The following COL6A5 variants were observed in gnomAD, a reference collection of about 807,000 sequenced individuals.
The protein encoded by COL6A5 is collagen type VI alpha 5 chain.
In COL6A5, 48 loss-of-function variants were observed where a neutral mutation model predicts 65.6. The ratio of observed to expected loss-of-function variants is 0.73; its 90% CI spans 0.58 to 0.93. The LOEUF is 0.93. Among genes scored for constraint, COL6A5 ranks in the 40% least tolerant of loss-of-function variants. The probability of loss-of-function intolerance (pLI) is 0.00; values close to 1 mark genes in which losing one functional copy is unlikely to be tolerated. For missense variants in COL6A5, 914 were observed against 928.3 expected (o/e 0.98, Z 0.20); for synonymous variants, 291 against 322.8 (o/e 0.90, Z 1.05).
chr3:130,434,038 C>T (rs1336954869), intron 1 of COL6A5, among the ~76,000 whole-genome samples: 2 of 151,890 alleles, frequency 1.3e-5, no homozygotes, highest in Admixed American at 6.6e-5. Context: ...TATACATGTG[C>T]CATGGTGGTT....
chr3:130,384,688 C>T (rs564994975), intron 4 of COL6A5, 116 bp from the exon 5 acceptor site: 133 of 779,866 alleles, frequency 1.7e-4, no homozygotes, highest in South Asian at 4.2e-4. Flanking sequence ...GCAGGCTCTA[C>T]GCAAAAACGA....
intron 5 of COL6A5, among the ~76,000 whole-genome samples, chr3:130,457,042 C>A (rs1709590209): frequency 7.2e-6 from 1 of 139,250 alleles, no homozygotes; most frequent in African/African-American, 2.5e-5. Context: ...TTAAGACATT[C>A]AAATGTGTAT....
intron 4 of COL6A5, among the ~76,000 whole-genome samples, chr3:130,449,291 T>C (rs1170178183): frequency 1.3e-5 from 2 of 152,166 alleles, no homozygotes; most frequent in Non-Finnish European, 2.9e-5. Flanking sequence ...AATCCCTTCA[T>C]GCTTTGGACT....
intron 7 of COL6A5, among the ~76,000 whole-genome samples, chr3:130,472,960 T>C (rs946318956): frequency 6.7e-6 from 1 of 149,370 alleles, no homozygotes; most frequent in African/African-American, 2.4e-5. Context: ...TAGATATATC[T>C]ATTTGTAGAG....
chr3:130,427,509 T>A (rs1937628706), upstream of COL6A5, among the ~76,000 whole-genome samples: 1 of 152,010 alleles, frequency 6.6e-6, no homozygotes, highest in Non-Finnish European at 1.5e-5. Context: ...GAGGAGGAAT[T>A]GTGAAGGGAA....
intron 7 of COL6A5, among the ~76,000 whole-genome samples, chr3:130,394,472 G>A (rs1936515851): frequency 6.6e-6 from 1 of 152,162 alleles, no homozygotes; most frequent in Non-Finnish European, 1.5e-5. Context: ...TGAATGTAAA[G>A]TGATAACATG....
chr3:130,409,016 C>T (rs1185670380), intron 17 of COL6A5, among the ~76,000 whole-genome samples: 1 of 152,080 alleles, frequency 6.6e-6, no homozygotes, highest in Non-Finnish European at 1.5e-5. Flanking sequence ...GCTTAATAGC[C>T]ACATATGGCT....
chr3:130,395,152 C>T, exon 8 of COL6A5: 2 of 1,551,678 alleles, frequency 1.3e-6, no homozygotes, highest in Non-Finnish European at 1.7e-6. Flanking sequence ...CAAGAATTGA[C>T]TTTGCCCTTA....
intron 4 of COL6A5, among the ~76,000 whole-genome samples, chr3:130,384,158 A>C (rs951458256): frequency 2.6e-5 from 4 of 152,022 alleles, no homozygotes; most frequent in Non-Finnish European, 5.9e-5. Flanking sequence ...AGAATATTTC[A>C]AGAAGAGAGG....
rs562362622 is a variant in COL6A5 at position 130,376,655 on chromosome 3, G to A, written c.486G>A (p.Val162=). 4.5e-5 allele frequency: 72 copies of A among 1,613,222 alleles called. No homozygotes were observed. The African/African-American group carries it at 9.3e-4, about 21-fold the overall frequency. The change falls in exon 3 of 42, where the codon GTG becomes GTA. Residue 162 remains valine, a synonymous_variant and NMD_transcript_variant. Transcript: ENST00000312481. ...CGAAAGCCCTGCAGAAAGACGGGGT[G>A]AAAATTATCTCCGTGGGGGTGCAGA... is the stretch of plus-strand genomic sequence containing the variant.
intron 3 of COL6A5, among the ~76,000 whole-genome samples, chr3:130,443,251 G>A (rs919070028): frequency 2.2e-4 from 33 of 152,084 alleles, no homozygotes; most frequent in African/African-American, 8.0e-4. Context: ...AATTTGAGGA[G>A]GTCTGTTTCC....
At chr3:130,472,832 C>CACAT (rs1553760928) in intron 7 of COL6A5, among the ~76,000 whole-genome samples, 1 of 99,404 alleles carries the variant, frequency 1.0e-5, no homozygotes, top group African/African-American at 3.9e-5. Context: ...TGTGTGTATA[C>CACAT]ATATATATAT....
intron 5 of COL6A5, among the ~76,000 whole-genome samples, chr3:130,464,932 A>G (rs1048372873): frequency 1.3e-5 from 2 of 152,140 alleles, no homozygotes; most frequent in African/African-American, 4.8e-5. Context: ...CTCAAACAAG[A>G]TGGTCAGTTG....
Position 130,443,525 on chromosome 3 carries a change from C to G in COL6A5, c.1293C>G (p.Leu431=), listed in dbSNP as rs139988614. 92 of 1,611,482 alleles carry G rather than the reference C, an allele frequency of 5.7e-5. No individual in the cohort carries two copies. In the East Asian group the frequency reaches 2.0e-3, roughly 34 times the overall value. ...CGATGCTTGAGGATGCCTGTAGACT[C>G]ATCAATTTAGGAGGAGAGAATATTC... Residue 431 remains leucine (L), a synonymous_variant, in exon 4 of 8, where the codon CTC becomes CTG. Coordinates refer to ENST00000512836, the Ensembl canonical transcript of COL6A5.
At chr3:130,388,276 G>A (rs1054608515) in intron 5 of COL6A5, among the ~76,000 whole-genome samples, 2 of 152,000 alleles carry the variant, frequency 1.3e-5, no homozygotes, top group Non-Finnish European at 2.9e-5. Flanking sequence ...CACATGGCTG[G>A]ATGCCTGGCA....
chr3:130,479,925 T>C (rs1210229162), intron 7 of COL6A5, among the ~76,000 whole-genome samples: 6 of 152,078 alleles, frequency 3.9e-5, no homozygotes, highest in African/African-American at 1.4e-4. Flanking sequence ...TTCCCAGAAA[T>C]TAGAAAATGT....
At chr3:130,483,488 A>G (rs1185867302) in intron 7 of COL6A5, among the ~76,000 whole-genome samples, 1 of 152,174 alleles carries the variant, frequency 6.6e-6, no homozygotes, top group Non-Finnish European at 1.5e-5. Context: ...TTGATTGGTC[A>G]AGAGCTGCTG....
At chr3:130,381,733 T>C (rs1936001637) in intron 4 of COL6A5, among the ~76,000 whole-genome samples, 1 of 151,984 alleles carries the variant, frequency 6.6e-6, no homozygotes, top group Non-Finnish European at 1.5e-5. Flanking sequence ...GCACACAACA[T>C]GGAAAGGAAT....
At chr3:130,464,442 T>A (rs1158217398) in intron 5 of COL6A5, among the ~76,000 whole-genome samples, 1 of 152,214 alleles carries the variant, frequency 6.6e-6, no homozygotes, top group East Asian at 1.9e-4. Flanking sequence ...AATGCTTTTC[T>A]TTATGTTTAA....
Sources: gnomAD v4.1 joint callset for allele counts (sites outside exome capture counted in the v4.1 genomes callset) on GRCh38, gnomAD v4.1.1 for gene constraint, MANE v1.5 for transcripts, NCBI Gene and HGNC (gene_info 2026-07-23, HGNC 2026-07-21) for gene names.